The following PDE4D variants were observed in gnomAD, a reference collection of about 807,000 sequenced individuals.
The protein encoded by PDE4D is 3',5'-cyclic-AMP phosphodiesterase 4D.
PDE4D carries 24 observed loss-of-function variants against 87.4 expected under a neutral mutation model. The observed-to-expected ratio is 0.27, with a 90% CI of 0.20 to 0.39. The LOEUF (loss-of-function observed/expected upper bound fraction) is 0.39, where lower values mean the gene tolerates loss of function less well. PDE4D is among the 10% of genes least tolerant of loss of function. The pLI, the probability that PDE4D is intolerant of heterozygous loss-of-function variation, is 1.00. For synonymous variants in PDE4D, 384 were observed against 383.2 expected (o/e 1.00, Z -0.02); for missense variants, 714 against 1,041.0 (o/e 0.69, Z 4.32).
chr5:60,433,525 G>A (rs1347358263), intron 1 of PDE4D, among the ~76,000 whole-genome samples: 1 of 152,134 alleles, frequency 6.6e-6, no homozygotes, highest in African/African-American at 2.4e-5. Flanking sequence ...ATTTCTCGAA[G>A]AACTTAAAAC....
At chr5:59,935,479 A>G (rs1756466850) in intron 3 of PDE4D, among the ~76,000 whole-genome samples, 1 of 152,212 alleles carries the variant, frequency 6.6e-6, no homozygotes, top group Non-Finnish European at 1.5e-5. Context: ...ATTTAGGAAT[A>G]CACAACATAC....
chr5:59,838,208 T>C (rs970884844), intron 1 of PDE4D, among the ~76,000 whole-genome samples: 4 of 151,966 alleles, frequency 2.6e-5, no homozygotes, highest in African/African-American at 9.7e-5. Context: ...TTACTACACC[T>C]CCTTCATCTT....
chr5:59,118,492 A>C (rs1773973898), intron 5 of PDE4D, among the ~76,000 whole-genome samples: 1 of 152,230 alleles, frequency 6.6e-6, no homozygotes, highest in African/African-American at 2.4e-5. Context: ...AAATTAATTT[A>C]TATAAGGTAG....
At chr5:59,438,263 A>G (rs1452917266) in intron 1 of PDE4D, among the ~76,000 whole-genome samples, 1 of 152,196 alleles carries the variant, frequency 6.6e-6, no homozygotes, top group Non-Finnish European at 1.5e-5. Context: ...GCTGGCTAAC[A>G]TCACATCAAG....
intron 1 of PDE4D, among the ~76,000 whole-genome samples, chr5:59,666,109 C>T (rs1489966692): frequency 1.3e-5 from 2 of 152,182 alleles, no homozygotes; most frequent in Non-Finnish European, 1.5e-5. Flanking sequence ...TACAGGCATG[C>T]GCCACCATGC....
chr5:59,861,652 C>T (rs1291334039), intron 1 of PDE4D, among the ~76,000 whole-genome samples: 1 of 152,040 alleles, frequency 6.6e-6, no homozygotes, highest in East Asian at 1.9e-4. Context: ...CATTTTTTTT[C>T]CCCCAGCTCT....
chr5:60,440,954 G>A (rs1745157009), intron 1 of PDE4D, among the ~76,000 whole-genome samples: 1 of 152,030 alleles, frequency 6.6e-6, no homozygotes, highest in African/African-American at 2.4e-5. Flanking sequence ...AAACATGTAG[G>A]AAATTAACCA....
At chr5:60,443,305 G>A (rs903612248) in intron 1 of PDE4D, among the ~76,000 whole-genome samples, 4 of 152,114 alleles carry the variant, frequency 2.6e-5, no homozygotes, top group African/African-American at 9.7e-5. Flanking sequence ...AAAAAGAAAA[G>A]TGAACGTTAA....
chr5:59,761,073 C>A (rs1277202019), intron 1 of PDE4D, among the ~76,000 whole-genome samples: 2 of 152,140 alleles, frequency 1.3e-5, no homozygotes, highest in Non-Finnish European at 2.9e-5. Flanking sequence ...TTGCTCCTAG[C>A]CTACAAACCT....
At chr5:59,031,707 C>CAAAAAAA (rs70973183) in intron 6 of PDE4D, among the ~76,000 whole-genome samples, 3 of 16,682 alleles carry the variant, frequency 1.8e-4, no homozygotes, top group Non-Finnish European at 3.0e-4. Context: ...GACTCCACCT[C>CAAAAAAA]AAAAAAAAAA....
At chr5:59,321,030 A>G (rs190301377) in intron 1 of PDE4D, among the ~76,000 whole-genome samples, 3 of 152,264 alleles carry the variant, frequency 2.0e-5, no homozygotes, top group East Asian at 3.9e-4. Context: ...GAGAAATCCA[A>G]TGATTTCCTG....
chr5:59,317,694 A>G (rs1489578198), intron 1 of PDE4D, among the ~76,000 whole-genome samples: 3 of 152,126 alleles, frequency 2.0e-5, no homozygotes, highest in Non-Finnish European at 2.9e-5. Context: ...CATGAGGACA[A>G]TGGAGATATG....
chr5:59,872,078 CAATGGG>C (rs1320967872), intron 1 of PDE4D, among the ~76,000 whole-genome samples: 2 of 152,004 alleles, frequency 1.3e-5, no homozygotes, highest in Non-Finnish European at 2.9e-5. Context: ...CTCCCTAGGT[CAATGGG>C]AAGGAAGTGA....
At chr5:59,183,835 T>C (rs746728559) in intron 4 of PDE4D, among the ~76,000 whole-genome samples, 2 of 152,190 alleles carry the variant, frequency 1.3e-5, no homozygotes, top group Admixed American at 6.5e-5. Context: ...TGCAGACTGA[T>C]AGACTCTGCA....
At chr5:59,413,423 A>G (rs1380270057) in intron 1 of PDE4D, among the ~76,000 whole-genome samples, 2 of 135,390 alleles carry the variant, frequency 1.5e-5, no homozygotes, top group Non-Finnish European at 3.0e-5. Flanking sequence ...GCGCCACTAC[A>G]CTCCAGCCTG....
intron 1 of PDE4D, among the ~76,000 whole-genome samples, chr5:59,533,848 C>T (rs938060670): frequency 1.3e-5 from 2 of 152,052 alleles, no homozygotes; most frequent in Admixed American, 6.6e-5. Context: ...CTTAAAATAT[C>T]TTATAATCTT....
intron 1 of PDE4D, among the ~76,000 whole-genome samples, chr5:59,276,428 G>A (rs1395703362): frequency 6.6e-6 from 1 of 152,086 alleles, no homozygotes; most frequent in East Asian, 1.9e-4. Flanking sequence ...GTATTTCACT[G>A]AAGCACTAAA....
chr5:59,017,091 C>T (rs1336648085), intron 6 of PDE4D, among the ~76,000 whole-genome samples: 1 of 152,158 alleles, frequency 6.6e-6, no homozygotes, highest in Admixed American at 6.6e-5. Context: ...GGCTGAGTAA[C>T]ACAGCCAGTC....
chr5:59,068,823 A>C (rs1764316639), intron 5 of PDE4D, among the ~76,000 whole-genome samples: 1 of 152,176 alleles, frequency 6.6e-6, no homozygotes, highest in African/African-American at 2.4e-5. Flanking sequence ...CCTCCTTTTT[A>C]AAGTTAGCCT....
Sources: allele counts gnomAD v4.1 joint callset (sites outside exome capture counted in the v4.1 genomes callset), GRCh38; gene constraint gnomAD v4.1.1; transcripts MANE v1.5; gene names NCBI Gene and HGNC (gene_info 2026-07-23, HGNC 2026-07-21).